Variants in IL1RAPL2 observed in about 807,000 individuals in gnomAD.
The protein encoded by IL1RAPL2 is X-linked interleukin-1 receptor accessory protein-like 2.
A neutral mutation model predicts 44.1 loss-of-function variants in IL1RAPL2; 3 were observed. The observed-to-expected ratio is 0.07, with a 90% CI of 0.03 to 0.18. The LOEUF is 0.18. Among genes scored for constraint, IL1RAPL2 ranks in the 10% least tolerant of loss-of-function variants. The probability of loss-of-function intolerance (pLI) is 1.00; values close to 1 mark genes in which losing one functional copy is unlikely to be tolerated. For missense variants in IL1RAPL2, 391 were observed against 496.4 expected (o/e 0.79, Z 2.02); for synonymous variants, 181 against 178.8 (o/e 1.01, Z -0.10).
intron 6 of IL1RAPL2, among the ~76,000 whole-genome samples, chrX:105,527,658 C>T (rs937573462): frequency 8.1e-5 from 9 of 110,825 alleles, no homozygotes; most frequent in African/African-American, 2.3e-4. Context: ...AGATATCGAC[C>T]TTTGAATCAT....
At chrX:105,272,224 TA>T (rs1367437772) in intron 5 of IL1RAPL2, among the ~76,000 whole-genome samples, 3 of 108,252 alleles carry the variant, frequency 2.8e-5, no homozygotes, top group Non-Finnish European at 5.7e-5. Flanking sequence ...ATGGCACATG[TA>T]TACATATGTA....
At chrX:104,883,877 A>G (rs928595151) in intron 2 of IL1RAPL2, among the ~76,000 whole-genome samples, 2 of 111,765 alleles carry the variant, frequency 1.8e-5, no homozygotes, top group African/African-American at 6.5e-5. Context: ...TATCCTTCCT[A>G]TTCATATAAG....
Position 105,324,916 on chromosome X carries a change from T to C in IL1RAPL2, c.697+57375T>C, listed in dbSNP as rs774610119. 8.9e-5 allele frequency among the ~76,000 whole-genome samples: 10 copies of C among 112,376 alleles called. No individual in the cohort carries two copies. In the South Asian group the frequency reaches 1.5e-3, roughly 16 times the overall value. ...CAGTGAAAATGCTGTTTAGCTTATC[T>C]GATAGATCAACCTGTGTAAATAATC... On this transcript the variant is annotated intron_variant, in intron 5 of 10. Coordinates refer to ENST00000372582, the MANE Select transcript of IL1RAPL2 (RefSeq NM_017416.2).
chrX:104,718,660 CTG>C (rs1301048552), intron 2 of IL1RAPL2, among the ~76,000 whole-genome samples: 1 of 111,412 alleles, frequency 9.0e-6, no homozygotes, highest in African/African-American at 3.3e-5. Context: ...CCATGTGGAA[CTG>C]TGAGTCAATT....
chrX:104,997,170 A>C (rs888919098), intron 2 of IL1RAPL2, among the ~76,000 whole-genome samples: 1 of 111,959 alleles, frequency 8.9e-6, no homozygotes, highest in Non-Finnish European at 1.9e-5. Flanking sequence ...ACATGTGGAC[A>C]TTGAGCATTT....
At position 104,835,543 on chromosome X, in the gene IL1RAPL2, ATTTT is replaced by A. The variant is rs778655259; in HGVS notation, c.82+176552_82+176555del. On this transcript the variant is annotated intron_variant, in intron 2 of 10. Coordinates refer to ENST00000372582, the MANE Select transcript of IL1RAPL2 (RefSeq NM_017416.2). The stretch of plus-strand genomic sequence containing the variant: ...GTAATGACATTTCATTTAGATTTGA[ATTTT>A]TTTGACTATGTGTTACATTTTTCCT... Among the ~76,000 whole-genome samples the A allele has an allele frequency of 1.3e-4, 15 of 111,516 alleles. No individual in the cohort carries two copies. In the East Asian group the frequency reaches 4.0e-3, roughly 29 times the overall value.
At chrX:104,586,071 AG>A (rs1928554982) in intron 1 of IL1RAPL2, among the ~76,000 whole-genome samples, 1 of 112,038 alleles carries the variant, frequency 8.9e-6, no homozygotes, top group Non-Finnish European at 1.9e-5. Context: ...ACAGTGTATA[AG>A]CATTTCTTTT....
At chrX:104,733,281 CT>C (rs1356160040) in intron 2 of IL1RAPL2, among the ~76,000 whole-genome samples, 3 of 111,118 alleles carry the variant, frequency 2.7e-5, no homozygotes, top group Non-Finnish European at 5.7e-5. Context: ...GAATGATTGT[CT>C]TGATATAAAT....
At chrX:104,911,666 C>A (rs941184510) in intron 2 of IL1RAPL2, among the ~76,000 whole-genome samples, 6 of 111,569 alleles carry the variant, frequency 5.4e-5, no homozygotes, top group African/African-American at 2.0e-4. Flanking sequence ...CATCAAAATT[C>A]TCTAAATATT....
At chrX:105,371,627 A>G (rs1343041748) in intron 5 of IL1RAPL2, among the ~76,000 whole-genome samples, 1 of 111,717 alleles carries the variant, frequency 9.0e-6, no homozygotes, top group Non-Finnish European at 1.9e-5. Context: ...CCAACCAGAT[A>G]TGTTTAGAAT....
chrX:105,305,984 A>G, intron 5 of IL1RAPL2, among the ~76,000 whole-genome samples: 1 of 110,765 alleles, frequency 9.0e-6, no homozygotes, highest in Non-Finnish European at 1.9e-5. Flanking sequence ...GATATTCCTT[A>G]TTATTATGCA....
At chrX:104,695,787 T>C (rs1200071272) in intron 2 of IL1RAPL2, among the ~76,000 whole-genome samples, 1 of 111,284 alleles carries the variant, frequency 9.0e-6, no homozygotes, top group African/African-American at 3.3e-5. Flanking sequence ...ACAACAGCCC[T>C]GTGAAGTAGG....
chrX:105,615,831 G>A (rs775301993), intron 6 of IL1RAPL2, among the ~76,000 whole-genome samples: 7 of 112,135 alleles, frequency 6.2e-5, no homozygotes, highest in African/African-American at 1.9e-4. Flanking sequence ...AAAGAGTATC[G>A]TTGGATTGTT....
intron 6 of IL1RAPL2, among the ~76,000 whole-genome samples, chrX:105,537,332 T>G (rs1319603337): frequency 9.0e-6 from 1 of 111,555 alleles, no homozygotes; most frequent in Non-Finnish European, 1.9e-5. Context: ...TGGGGAACGT[T>G]GACCTATACA....
At chrX:104,754,628 T>C (rs758191539) in intron 2 of IL1RAPL2, among the ~76,000 whole-genome samples, 4 of 111,702 alleles carry the variant, frequency 3.6e-5, no homozygotes, top group Non-Finnish European at 7.6e-5. Context: ...CCCATTACGA[T>C]GAAATTGGTA....
intron 1 of IL1RAPL2, among the ~76,000 whole-genome samples, chrX:104,652,561 C>T (rs1930172217): frequency 8.9e-6 from 1 of 111,757 alleles, no homozygotes; most frequent in Non-Finnish European, 1.9e-5. Flanking sequence ...AGTTTACATT[C>T]TAGTGGGCAA....
intron 2 of IL1RAPL2, among the ~76,000 whole-genome samples, chrX:105,144,210 T>C (rs1427375011): frequency 1.9e-5 from 2 of 107,723 alleles, no homozygotes; most frequent in Non-Finnish European, 3.8e-5. Context: ...CAATCTTTCC[T>C]GTGCTCTTGG....
intron 4 of IL1RAPL2, among the ~76,000 whole-genome samples, chrX:105,264,277 A>C (rs1314308313): frequency 9.0e-6 from 1 of 111,263 alleles, no homozygotes; most frequent in Non-Finnish European, 1.9e-5. Flanking sequence ...GCCTTCCTCC[A>C]TGATTGTAAG....
At chrX:104,928,490 T>C (rs1168317444) in intron 2 of IL1RAPL2, among the ~76,000 whole-genome samples, 1 of 111,357 alleles carries the variant, frequency 9.0e-6, no homozygotes, top group Non-Finnish European at 1.9e-5. Flanking sequence ...GTGGGAGCCA[T>C]GTTGTTTCTC....
Sources: allele counts gnomAD v4.1 joint callset (sites outside exome capture counted in the v4.1 genomes callset), GRCh38; gene constraint gnomAD v4.1.1; transcripts MANE v1.5; gene names NCBI Gene and HGNC (gene_info 2026-07-23, HGNC 2026-07-21).